Variants in COL1A2 observed in about 807,000 individuals in gnomAD.
The protein encoded by COL1A2 is collagen type I alpha 2 chain, also known as collagen alpha-2(I) chain.
COL1A2 carries 49 observed loss-of-function variants against 174.3 expected under a neutral mutation model. The ratio of observed to expected loss-of-function variants is 0.28; its 90% CI spans 0.22 to 0.36. The LOEUF (loss-of-function observed/expected upper bound fraction) is 0.36. COL1A2 is among the 10% of genes least tolerant of loss of function. The pLI, the probability that COL1A2 is intolerant of heterozygous loss-of-function variation, is 1.00. For synonymous variants in COL1A2, 655 were observed against 606.6 expected (o/e 1.08, Z -1.17); for missense variants, 1,438 against 1,822.7 (o/e 0.79, Z 3.84).
chr7:94,403,726 A>G (rs1791736781), intron 6 of COL1A2, among the ~76,000 whole-genome samples: 1 of 152,188 alleles, frequency 6.6e-6, no homozygotes. Flanking sequence ...TCATGAACAA[A>G]TTACTTGAGA....
At position 94,409,620 on chromosome 7, in the gene COL1A2, T is replaced by C; in HGVS notation, c.936+12T>C. On this transcript the variant is annotated intron_variant, in intron 18 of 51. Coordinates refer to ENST00000297268, the MANE Select transcript of COL1A2 (RefSeq NM_000089.4). ...CCAAGGGTGCTGCTGTGAGTATACCTGCGTAGCTAAAATGTGCTGCTATGA... is the reference window on the plus strand; with the variant it reads ...CCAAGGGTGCTGCTGTGAGTATACCCGCGTAGCTAAAATGTGCTGCTATGA... 6.2e-7 allele frequency: 1 copy of C among 1,614,152 alleles called. No homozygotes were observed.
chr7:94,406,140 A>G (rs1791790385), intron 11 of COL1A2, 110 bp from the exon 12 acceptor site: 3 of 1,104,676 alleles, frequency 2.7e-6, no homozygotes, highest in South Asian at 1.3e-5. Flanking sequence ...TTTCTACTGC[A>G]GCAGACAAGA....
intron 21 of COL1A2, 124 bp downstream of exon 21, chr7:94,410,651 T>C: frequency 1.1e-6 from 1 of 951,634 alleles, no homozygotes; most frequent in Non-Finnish European, 1.7e-6. Context: ...GCTTTCCATC[T>C]GCCTTATTAA....
At chr7:94,416,124 C>T (rs1219764431) in intron 30 of COL1A2, among the ~76,000 whole-genome samples, 4 of 152,058 alleles carry the variant, frequency 2.6e-5, no homozygotes, top group African/African-American at 9.7e-5. Flanking sequence ...GAAAAGACTC[C>T]TCAAAGAAGG....
intron 24 of COL1A2, 78 bp from the exon 25 acceptor site, chr7:94,412,506 C>A: frequency 4.6e-6 from 5 of 1,077,092 alleles, no homozygotes; most frequent in East Asian, 2.5e-5. Context: ...TATTCTGTTT[C>A]ATCCGTGGCA....
rs771139732 is a variant in COL1A2 at position 94,408,214 on chromosome 7, G to T, written c.671G>T (p.Arg224Leu). The change falls in exon 14 of 52, where the codon CGT becomes CTT. Residue 224 changes from arginine (R) to leucine (L), a missense_variant. Arg to Leu is a moderately radical substitution (Grantham distance 102, BLOSUM62 -2). Around this residue, in one of 3 missense-constraint regions of COL1A2, gnomAD observed 281 missense variants for 310.9 expected, o/e 0.90. Coordinates refer to ENST00000297268, the MANE Select transcript of COL1A2 (RefSeq NM_000089.4). ...CGTGGGCTTCCTGGTGAGAGAGGAC[G>T]TGTTGGTGCCCCTGGCCCAGCTGTA... ...GARGLPGERGRVGAPGPAGAR... is the reference protein window; with the variant it reads ...GARGLPGERGLVGAPGPAGAR... 1.2e-6 allele frequency: 2 copies of T among 1,613,802 alleles called. No homozygotes were observed. Among genetic ancestry groups the T allele is most frequent in the Admixed American group, 1.7e-5 (1 of 59,992 alleles).
Position 94,414,923 on chromosome 7 carries a change from T to G in COL1A2, c.1720-303T>G, listed in dbSNP as rs533995462. Reference sequence around the variant, plus strand: ...AAAAATAGGCAATGTCTAATATTCATTATTATTTATCTTATTATTGAAGGA... The same window carrying G: ...AAAAATAGGCAATGTCTAATATTCAGTATTATTTATCTTATTATTGAAGGA... On this transcript the variant is annotated intron_variant, in intron 29 of 51. Transcript: ENST00000297268. Among the ~76,000 whole-genome samples, 27 of 152,332 alleles carry G rather than the reference T, an allele frequency of 1.8e-4. No individual in the cohort carries two copies. The East Asian group carries it at 5.0e-3, about 28-fold the overall frequency.
chr7:94,414,319 GA>G, intron 29 of COL1A2, 44 bp downstream of exon 29: 1 of 1,554,750 alleles, frequency 6.4e-7, no homozygotes, highest in Non-Finnish European at 8.9e-7. Flanking sequence ...CTAAACTTGA[GA>G]ATTTCCCCCT....
chr7:94,419,439 G>A (rs1437156482), intron 33 of COL1A2, 59 bp from the exon 34 acceptor site: 2 of 1,577,570 alleles, frequency 1.3e-6, no homozygotes, highest in Non-Finnish European at 1.7e-6. Flanking sequence ...AGAATGACAA[G>A]GTTCACTTTT....
At position 94,426,375 on chromosome 7, in the gene COL1A2, C is replaced by A. The variant is rs1403595077; in HGVS notation, c.2998-48C>A. ...GCAGTATTTGTGGTGAAGTGAGTGC[C>A]ATTTTTTTAAAACGGTAAGTCTTAT... is the stretch of plus-strand genomic sequence containing the variant. On this transcript the variant is annotated intron_variant, in intron 45 of 51. Transcript: ENST00000297268. 3 of 1,499,540 alleles carry A rather than the reference C, an allele frequency of 2.0e-6. No individual in the cohort carries two copies. The Admixed American group carries it at 5.9e-5, about 29-fold the overall frequency. The allele number at this position is 1,499,540 out of a possible 1,614,324, so 92.9% of individuals were successfully genotyped here.
intron 10 of COL1A2, 59 bp from the exon 11 acceptor site, chr7:94,405,614 T>C: frequency 6.9e-7 from 1 of 1,441,242 alleles, no homozygotes; most frequent in Non-Finnish European, 9.8e-7. Flanking sequence ...AGGGAAGAAG[T>C]CACTGTCTTT....
rs1459840135 is a variant in COL1A2, at chr7:94,414,194, T to A, written c.1666-28T>A. The A allele has an allele frequency of 3.1e-6, 5 of 1,609,232 alleles. No homozygotes were observed. The South Asian group carries it at 4.4e-5, about 14-fold the overall frequency. ...AATCTCCTGAACGTAGCCATGGGAT[T>A]GAGATTTGTATTTCTTTTCATTTTT... is the stretch of plus-strand genomic sequence containing the variant. On this transcript the variant is annotated intron_variant, in intron 28 of 51. Coordinates refer to ENST00000297268, the MANE Select transcript of COL1A2 (RefSeq NM_000089.4).
At chr7:94,423,738 G>A (rs1257374112) in intron 40 of COL1A2, 2 of 165,546 alleles carry the variant, frequency 1.2e-5, no homozygotes, top group Non-Finnish European at 2.6e-5. Flanking sequence ...GGGACTACAG[G>A]CACACACCAT....
intron 38 of COL1A2, 84 bp downstream of exon 38, chr7:94,421,146 A>AT: frequency 7.1e-7 from 1 of 1,405,592 alleles, no homozygotes; most frequent in African/African-American, 1.4e-5. Flanking sequence ...TTTTTGGTAA[A>AT]TTTGGACTAC....
At chr7:94,399,622 A>T (rs946447432) in intron 4 of COL1A2, among the ~76,000 whole-genome samples, 4 of 152,212 alleles carry the variant, frequency 2.6e-5, no homozygotes, top group African/African-American at 9.6e-5. Context: ...ATGAATACCT[A>T]TATCTTATAT....
At chr7:94,407,923 A>C in intron 13 of COL1A2, 32 bp downstream of exon 13, 1 of 1,582,780 alleles carries the variant, frequency 6.3e-7, no homozygotes, top group South Asian at 1.1e-5. Context: ...GTAAATTTAA[A>C]TGTGTACACT....
chr7:94,399,325 ACTTT>A (rs1791641717), intron 4 of COL1A2, among the ~76,000 whole-genome samples: 1 of 152,194 alleles, frequency 6.6e-6, no homozygotes, highest in South Asian at 2.1e-4. Flanking sequence ...TGCATGGTCT[ACTTT>A]CTTTATTTGT....
chr7:94,422,639 A>G lies in COL1A2; in HGVS notation c.2404-318A>G, dbSNP rs149302348. ...TCGAAACTCAGAGTCCCATTCATTT[A>G]TCATTAACTCCTATCATTCTACATA... On this transcript the variant is annotated intron_variant, in intron 39 of 51. Transcript: ENST00000297268. The G allele has an allele frequency of 2.3e-3, 612 of 270,888 alleles. 4 individuals carry two copies. The highest frequency in any genetic ancestry group is 0.013 in the African/African-American group (584 of 45,192). 16.8% of individuals were successfully genotyped at this position (270,888 alleles called of 1,614,324 possible).
At position 94,401,589 on chromosome 7, in the gene COL1A2, G is replaced by C. The variant is rs1490604349; in HGVS notation, c.248G>C (p.Gly83Ala). 1 of 1,565,360 alleles carries C rather than the reference G, an allele frequency of 6.4e-7. No individual in the cohort carries two copies. Among genetic ancestry groups the C allele is most frequent in the East Asian group, 2.3e-5 (1 of 42,996 alleles). Residue 83 changes from glycine to alanine, a missense_variant, in exon 6 of 52, where the codon GGA becomes GCA. This residue lies in a region of COL1A2 where 281 missense variants were observed against 310.9 expected (regional missense o/e 0.90). Coordinates refer to ENST00000297268, the MANE Select transcript of COL1A2 (RefSeq NM_000089.4). ...TAGAACTTTGCTGCTCAGTATGATG[G>C]AAAAGGAGTTGGACTTGGCCCTGGA... is the stretch of plus-strand genomic sequence containing the variant. ...LGGNFAAQYD[G>A]KGVGLGPGPM... is the part of the protein sequence containing the mutation.
Sources: allele counts gnomAD v4.1 joint callset (sites outside exome capture counted in the v4.1 genomes callset), GRCh38; gene constraint gnomAD v4.1.1; regional missense constraint gnomAD v4.1.1; transcripts MANE v1.5; gene names NCBI Gene and HGNC (gene_info 2026-07-23, HGNC 2026-07-21).